Variants in LRP4 observed in about 807,000 individuals in gnomAD.
The protein encoded by LRP4 is low-density lipoprotein receptor-related protein 4.
In LRP4, 95 loss-of-function variants were observed where a neutral mutation model predicts 220.3. That is an observed-to-expected ratio of 0.43 (90% CI 0.37 to 0.51). The LOEUF (loss-of-function observed/expected upper bound fraction) is 0.51. Ranked by LOEUF, LRP4 falls within the 20% of genes least tolerant of loss-of-function variation. The pLI is 0.00. For missense variants in LRP4, 1,925 were observed against 2,567.0 expected (o/e 0.75, Z 5.40); for synonymous variants, 903 against 954.6 (o/e 0.95, Z 1.00).
At position 46,900,302 on chromosome 11, in the gene LRP4, C is replaced by T. The variant is rs764231281; in HGVS notation, c.276G>A (p.Gly92=). Residue 92 remains glycine, a synonymous_variant, in exon 3 of 38, where the codon GGG becomes GGA. Transcript: ENST00000378623. The part of the protein sequence containing the change: ...KCIRRSWVCD[G]DNDCEDDSDE... ...CCGAGTCATCCTCACAGTCGTTGTC[C>T]CCGTCACACACCCAGGAGCGGCGGA... 6.2e-6 allele frequency: 10 copies of T among 1,614,142 alleles called. No homozygotes were observed. The highest frequency in any genetic ancestry group is 8.5e-6 in the Non-Finnish European group (10 of 1,179,994).
chr11:46,895,219 C>G lies in LRP4; in HGVS notation c.1256G>C (p.Trp419Ser), dbSNP rs760661741. Residue 419 changes from tryptophan (W) to serine (S), a missense_variant, in exon 11 of 38, where the codon TGG becomes TCG. Trp to Ser is a radical substitution (Grantham distance 177). Coordinates refer to ENST00000378623, the MANE Select transcript of LRP4 (RefSeq NM_002334.4). ...CCGTAGTTCATAGCCTGTTTCACAC[C>G]AGCATTGGAAAGCCCCTTCGCTGTT... ...CTNSEGAFQC[W>S]CETGYELRPD... is the part of the protein sequence containing the mutation. The G allele has an allele frequency of 6.8e-6, 11 of 1,614,122 alleles. No individual in the cohort carries two copies. Among genetic ancestry groups the G allele is most frequent in the Admixed American group, 1.7e-5 (1 of 60,022 alleles).
intron 28 of LRP4, 147 bp downstream of exon 28, chr11:46,874,653 A>T (rs1592522036): frequency 1.5e-6 from 1 of 666,698 alleles, no homozygotes; most frequent in African/African-American, 1.8e-5. Flanking sequence ...GCTGTAAGTG[A>T]CAACACTACA....
intron 36 of LRP4, among the ~76,000 whole-genome samples, chr11:46,863,754 A>G (rs1161798917): frequency 6.6e-6 from 1 of 151,912 alleles, no homozygotes; most frequent in Non-Finnish European, 1.5e-5. Context: ...GTGAGACTCT[A>G]TCTCAAAAAA....
rs1941693880 is a variant in LRP4, at chr11:46,902,890, T to C, written c.92A>G (p.His31Arg). The C allele has an allele frequency of 5.0e-6, 8 of 1,614,090 alleles. No homozygotes were observed. Among genetic ancestry groups the C allele is most frequent in the Non-Finnish European group, 6.8e-6 (8 of 1,180,034 alleles). The change falls in exon 2 of 38, where the codon CAC becomes CGC. Residue 31 changes from histidine (H) to arginine (R), a missense_variant. His to Arg is a conservative substitution (Grantham distance 29). Transcript: ENST00000378623. ...AAGAGCACTCACTGCACATGTGAAG[T>C]GGCTCCGACCACAAGCACACTCGGG... ...SSPECACGRS[H>R]FTCAVSALGE...
intron 1 of LRP4, among the ~76,000 whole-genome samples, chr11:46,915,112 A>G (rs1211878693): frequency 2.0e-5 from 3 of 152,204 alleles, no homozygotes; most frequent in Non-Finnish European, 4.4e-5. Flanking sequence ...ATCAGGGTAC[A>G]GAAGAGGAAA....
intron 1 of LRP4, among the ~76,000 whole-genome samples, chr11:46,906,679 C>T (rs1941765218): frequency 6.6e-6 from 1 of 152,116 alleles, no homozygotes; most frequent in African/African-American, 2.4e-5. Flanking sequence ...GGGCTGCGTG[C>T]AAATGAAAAG....
Position 46,868,067 on chromosome 11 carries a change from T to A in LRP4, c.4999A>T (p.Lys1667Ter). Residue 1667 changes from lysine (K) to a stop codon, truncating the protein, a stop_gained, in exon 34 of 38, where the codon AAG (lysine) becomes TAG (stop). Transcript: ENST00000378623. LOFTEE classifies it high-confidence loss of function. ...PAPRATGMSEKSPVLPNTPPT... is the reference protein window; with the variant it reads ...PAPRATGMSE ...GGTGTGTTGGGTAGCACTGGGCTCT[T>A]TTCACTCATGCCAGTAGCCCTAGGA... 6.2e-7 allele frequency: 1 copy of A among 1,614,148 alleles called. No individual in the cohort carries two copies. The highest frequency in any genetic ancestry group is 8.5e-7 in the Non-Finnish European group (1 of 1,180,026).
chr11:46,875,588 T>C lies in LRP4; in HGVS notation c.3793A>G (p.Ile1265Val), dbSNP rs145703467. 6.2e-7 allele frequency: 1 copy of C among 1,613,918 alleles called. No individual in the cohort carries two copies. The highest frequency in any genetic ancestry group is 8.5e-7 in the Non-Finnish European group (1 of 1,179,962). ...PYGLTLLDSY[I>V]YWTDWQTRSI... Reference sequence around the variant, plus strand: ...CGAGTCTGCCAGTCAGTCCAGTAGATATAGGAGTCGAGCAGGGTGAGGCCA... The same window carrying C: ...CGAGTCTGCCAGTCAGTCCAGTAGACATAGGAGTCGAGCAGGGTGAGGCCA... Residue 1265 changes from isoleucine to valine, a missense_variant, in exon 27 of 38, where the codon ATC (isoleucine) becomes GTC (valine). Ile to Val is a conservative substitution (Grantham distance 29, BLOSUM62 3). Around this residue, in one of 3 missense-constraint regions of LRP4, gnomAD observed 1,244 missense variants for 1,624.9 expected, o/e 0.77. Coordinates refer to ENST00000378623, the MANE Select transcript of LRP4 (RefSeq NM_002334.4). This position sits in a 1 kb window ranked among gnomAD's most constrained non-coding sequence, Gnocchi z 4.5.
At position 46,857,164 on chromosome 11, in the gene LRP4, C is replaced by G. The variant is rs1160058097; in HGVS notation, c.*1819G>C. ...AGAAAATGCCACTTTTCTACTTGCT[C>G]TTCCTCCCCAGACGTGAGTCTAAGG... On this transcript the variant is annotated 3_prime_UTR_variant, in exon 38 of 38. Coordinates refer to ENST00000378623, the MANE Select transcript of LRP4 (RefSeq NM_002334.4). 6.6e-6 allele frequency: 1 copy of G among 152,564 alleles called. No homozygotes were observed. Among genetic ancestry groups the G allele is most frequent in the Admixed American group, 6.5e-5 (1 of 15,268 alleles). The allele number at this position is 152,564 out of a possible 1,614,324, so 9.5% of individuals were successfully genotyped here. A position where few individuals can be genotyped will look rare whatever the true frequency, so the allele number is the denominator to read the frequency against.
chr11:46,901,294 C>T (rs1411431325), intron 2 of LRP4, among the ~76,000 whole-genome samples: 2 of 152,154 alleles, frequency 1.3e-5, no homozygotes, highest in African/African-American at 4.8e-5. Context: ...GAGAAAGAAG[C>T]GCCTTTTTCC....
intron 12 of LRP4, among the ~76,000 whole-genome samples, 175 bp downstream of exon 12, chr11:46,894,414 C>T (rs778617816): frequency 7.9e-5 from 12 of 152,186 alleles, no homozygotes; most frequent in Non-Finnish European, 1.3e-4. Flanking sequence ...ATATTTGAAC[C>T]TATAAAATTG....
chr11:46,898,041 C>T (rs1450525598), intron 7 of LRP4, among the ~76,000 whole-genome samples: 16 of 140,566 alleles, frequency 1.1e-4, no homozygotes, highest in Admixed American at 2.1e-4. Context: ...GGCGGCTGGC[C>T]GGGCGGGGGG....
chr11:46,905,873 A>G (rs1036883363), intron 1 of LRP4, among the ~76,000 whole-genome samples: 3 of 151,388 alleles, frequency 2.0e-5, no homozygotes, highest in African/African-American at 4.9e-5. Context: ...AAAAAAATCT[A>G]TAACATGCAG....
chr11:46,907,510 G>A (rs993153114), intron 1 of LRP4, among the ~76,000 whole-genome samples: 3 of 152,158 alleles, frequency 2.0e-5, no homozygotes, highest in Non-Finnish European at 4.4e-5. Context: ...ACACAAATTC[G>A]TAAACTTCCT....
intron 34 of LRP4, among the ~76,000 whole-genome samples, chr11:46,866,543 C>T (rs1304000739): frequency 2.0e-5 from 3 of 152,162 alleles, no homozygotes; most frequent in Admixed American, 2.0e-4. Flanking sequence ...ACCTTGGCCT[C>T]CCAAAGTGCT....
intron 13 of LRP4, among the ~76,000 whole-genome samples, 159 bp downstream of exon 13, chr11:46,892,814 C>T (rs560276661): frequency 6.6e-6 from 1 of 152,314 alleles, no homozygotes. Flanking sequence ...AGGTGATCTG[C>T]CCGCCTTGGC....
intron 22 of LRP4, among the ~76,000 whole-genome samples, chr11:46,877,639 T>C (rs911545476): frequency 6.6e-6 from 1 of 152,024 alleles, no homozygotes. Context: ...AGCTAATTTT[T>C]GTATTTTTTT....
chr11:46,875,790 G>T lies in LRP4; in HGVS notation c.3699+14C>A. 1 of 1,614,044 alleles carries T rather than the reference G, an allele frequency of 6.2e-7. No individual in the cohort carries two copies. Among genetic ancestry groups the T allele is most frequent in the Non-Finnish European group, 8.5e-7 (1 of 1,180,006 alleles). On this transcript the variant is annotated intron_variant, in intron 26 of 37. Transcript: ENST00000378623. The surrounding 1 kb of genome is among the most constrained non-coding windows in gnomAD (Gnocchi z 4.5). Reference sequence around the variant, plus strand: ...TCCCAGGCTCCTGGGAAGCAGCAGGGACACGGCTCTCACCTCGGTGTGGGC... The same window carrying T: ...TCCCAGGCTCCTGGGAAGCAGCAGGTACACGGCTCTCACCTCGGTGTGGGC...
chr11:46,878,510 G>A (rs1347834656), intron 22 of LRP4, among the ~76,000 whole-genome samples: 2 of 152,008 alleles, frequency 1.3e-5, no homozygotes, highest in Admixed American at 1.3e-4. Flanking sequence ...CTGACCTCTA[G>A]TGATTTGCCT....
Sources: allele counts gnomAD v4.1 joint callset (sites outside exome capture counted in the v4.1 genomes callset), GRCh38; gene constraint gnomAD v4.1.1; regional missense constraint gnomAD v4.1.1; non-coding constraint Gnocchi (gnomAD v3.1); transcripts MANE v1.5; gene names NCBI Gene and HGNC (gene_info 2026-07-23, HGNC 2026-07-21).